The following AKT3 variants were observed in gnomAD, a reference collection of about 807,000 sequenced individuals.
AKT3 encodes the protein AKT serine/threonine kinase 3.
In AKT3, 15 loss-of-function variants were observed where a neutral mutation model predicts 65.3. The ratio of observed to expected loss-of-function variants is 0.23; its 90% confidence interval spans 0.15 to 0.35. The LOEUF (loss-of-function observed/expected upper bound fraction) is 0.35, where lower values mean the gene tolerates loss of function less well. Among genes scored for constraint, AKT3 ranks in the 10% least tolerant of loss-of-function variants. The pLI is 1.00. For synonymous variants in AKT3, 206 were observed against 183.8 expected, an observed-to-expected ratio of 1.12 and a Z score of -0.98; for missense variants, 243 against 576.5, an observed-to-expected ratio of 0.42 and a Z score of 5.92.
chr1:243,553,830 TG>T (rs1299049080), intron 10 of AKT3, among the ~76,000 whole-genome samples: 1 of 152,214 alleles, frequency 6.6e-6, no homozygotes, highest in African/African-American at 2.4e-5. Context: ...CTTCATCCAA[TG>T]GAATATTCCT....
chr1:243,652,002 G>C (rs1474198302), intron 4 of AKT3, among the ~76,000 whole-genome samples: 1 of 151,716 alleles, frequency 6.6e-6, no homozygotes, highest in Non-Finnish European at 1.5e-5. Flanking sequence ...CTACAAGCCA[G>C]AAGAGAGTGG....
At chr1:243,619,115 C>T (rs1225515800) in intron 6 of AKT3, among the ~76,000 whole-genome samples, 2 of 152,184 alleles carry the variant, frequency 1.3e-5, no homozygotes, top group Non-Finnish European at 2.9e-5. Flanking sequence ...AGACACATTC[C>T]GTCTAAACCA....
intron 8 of AKT3, among the ~76,000 whole-genome samples, chr1:243,604,817 A>C (rs1677276176): frequency 1.3e-5 from 2 of 152,176 alleles, no homozygotes; most frequent in Admixed American, 1.3e-4. Context: ...GAATCTTCTG[A>C]GGTCTAGCCC....
chr1:243,552,651 T>C (rs1311715223), intron 11 of AKT3, 78 bp downstream of exon 11: 1 of 1,310,348 alleles, frequency 7.6e-7, no homozygotes, highest in South Asian at 1.2e-5. Context: ...TTGGAGTTAG[T>C]TATATTTGAA....
intron 12 of AKT3, among the ~76,000 whole-genome samples, chr1:243,524,580 C>T (rs1382179367): frequency 6.6e-6 from 1 of 152,240 alleles, no homozygotes; most frequent in Non-Finnish European, 1.5e-5. Context: ...GTAATTCACA[C>T]TGTTTAAATA....
chr1:243,815,830 T>C (rs144872229), intron 2 of AKT3, among the ~76,000 whole-genome samples: 7,787 of 145,370 alleles, frequency 0.054, 271 homozygotes, highest in Non-Finnish European at 0.072. Context: ...TTGCCCAGGC[T>C]GATCTCGAAC....
intron 4 of AKT3, among the ~76,000 whole-genome samples, chr1:243,651,694 G>A (rs1380711463): frequency 1.8e-4 from 28 of 152,226 alleles, no homozygotes; most frequent in Non-Finnish European, 1.0e-4. Context: ...GATGGATTAC[G>A]TTTATTGATT....
chr1:243,602,926 C>T (rs1677117313), intron 8 of AKT3, among the ~76,000 whole-genome samples: 1 of 152,150 alleles, frequency 6.6e-6, no homozygotes, highest in South Asian at 2.1e-4. Context: ...TTGCAGAGGT[C>T]CAACAAATAA....
At chr1:243,550,958 CAAAAAAA>C (rs60047036) in intron 11 of AKT3, among the ~76,000 whole-genome samples, 10 of 17,534 alleles carry the variant, frequency 5.7e-4, no homozygotes, top group Non-Finnish European at 8.4e-4. Context: ...GACTCCCTCT[CAAAAAAA>C]AAAAAAAAAA....
At chr1:243,741,304 A>C (rs2148177288) in intron 2 of AKT3, among the ~76,000 whole-genome samples, 1 of 152,328 alleles carries the variant, frequency 6.6e-6, no homozygotes, top group South Asian at 2.1e-4. Context: ...TTACCCAAAA[A>C]GTGACACTGA....
chr1:243,592,472 G>GA (rs1372261705), intron 8 of AKT3, among the ~76,000 whole-genome samples: 1 of 151,876 alleles, frequency 6.6e-6, no homozygotes, highest in Non-Finnish European at 1.5e-5. Flanking sequence ...AGCGACCACA[G>GA]AAAAAAAGAC....
At chr1:243,627,332 A>T (rs1177673245) in intron 6 of AKT3, among the ~76,000 whole-genome samples, 1 of 76,298 alleles carries the variant, frequency 1.3e-5, no homozygotes. Flanking sequence ...TGTTTCAATT[A>T]AAAAAAAAAA....
chr1:243,669,424 G>A (rs1683022525), intron 3 of AKT3, among the ~76,000 whole-genome samples: 1 of 152,108 alleles, frequency 6.6e-6, no homozygotes, highest in Non-Finnish European at 1.5e-5. Flanking sequence ...CCGGTCTGAG[G>A]TTCACTATTT....
chr1:243,499,797 C>A lies in AKT3; in HGVS notation c.*5452G>T, dbSNP rs534167122. On this transcript the variant is annotated 3_prime_UTR_variant, in exon 14 of 14. Coordinates refer to ENST00000673466, the MANE Select transcript of AKT3 (RefSeq NM_005465.7). ...AATCTGATTGCTGACCTGGATGGAA[C>A]AGAGTGAAATAAATGATTTACAAAG... The A allele has an allele frequency of 2.1e-4, 346 of 1,611,460 alleles. No homozygotes were observed. In the African/African-American group the frequency reaches 3.6e-3, roughly 17 times the overall value.
At chr1:243,589,443 T>C (rs779893152) in intron 8 of AKT3, among the ~76,000 whole-genome samples, 2 of 151,418 alleles carry the variant, frequency 1.3e-5, no homozygotes, top group African/African-American at 2.4e-5. Flanking sequence ...TCAAGATAGA[T>C]CACTAGTCAA....
intron 1 of AKT3, among the ~76,000 whole-genome samples, chr1:243,847,795 A>C (rs1695582627): frequency 6.6e-6 from 1 of 152,176 alleles, no homozygotes; most frequent in Admixed American, 6.5e-5. Flanking sequence ...GTATTTGTTA[A>C]ATATAATCTT....
At chr1:243,664,984 G>T in intron 3 of AKT3, 101 bp from the exon 4 acceptor site, 1 of 490,166 alleles carries the variant, frequency 2.0e-6, no homozygotes. Context: ...AACCCAGTGC[G>T]AACTCACAGC....
intron 2 of AKT3, among the ~76,000 whole-genome samples, chr1:243,713,877 C>A (rs1686318495): frequency 6.6e-6 from 1 of 151,858 alleles, no homozygotes; most frequent in South Asian, 2.1e-4. Context: ...CTTAACAAAG[C>A]CCTGTGAATT....
intron 2 of AKT3, among the ~76,000 whole-genome samples, chr1:243,706,657 G>T (rs1464904073): frequency 6.6e-6 from 1 of 152,070 alleles, no homozygotes; most frequent in Non-Finnish European, 1.5e-5. Context: ...GTTCTCCTTA[G>T]ACAATGTACT....
Sources: allele counts gnomAD v4.1 joint callset (sites outside exome capture counted in the v4.1 genomes callset), GRCh38; gene constraint gnomAD v4.1.1; transcripts MANE v1.5; gene names NCBI Gene and HGNC (gene_info 2026-07-23, HGNC 2026-07-21).